The following UBA2 variants were observed in gnomAD, a reference collection of about 807,000 sequenced individuals.
UBA2 encodes the protein ubiquitin like modifier activating enzyme 2, also known as SUMO-activating enzyme subunit 2.
Under a neutral mutation model 77.2 loss-of-function variants are expected in UBA2, and 11 were observed. The observed-to-expected ratio is 0.14, with a 90% CI of 0.09 to 0.24. UBA2 has a LOEUF of 0.24. UBA2 is among the 10% of genes least tolerant of loss of function. The pLI, the probability that UBA2 is intolerant of heterozygous loss-of-function variation, is 1.00. For missense variants in UBA2, 487 were observed against 781.7 expected (o/e 0.62, Z 4.50); for synonymous variants, 278 against 276.7 (o/e 1.00, Z -0.05).
chr19:34,467,009 C>G lies in UBA2; in HGVS notation c.1736C>G (p.Ser579Cys). 6.2e-7 allele frequency: 1 copy of G among 1,613,810 alleles called. No individual in the cohort carries two copies. Among genetic ancestry groups the G allele is most frequent in the Non-Finnish European group, 8.5e-7 (1 of 1,179,724 alleles). The change falls in exon 16 of 17, where the codon TCC becomes TGC. Residue 579 changes from serine to cysteine, a missense_variant. By Grantham distance (112) the Ser-to-Cys change is moderately radical. This residue lies in a region of UBA2 where 300 missense variants were observed against 454.3 expected (regional missense o/e 0.66). Coordinates refer to ENST00000246548, the MANE Select transcript of UBA2 (RefSeq NM_005499.3). ...GATGATGGAGCTCAGCCCTCCACCT[C>G]CACAGGTGAGTATGGCCCCAGCCAG... ...GSDDGAQPST[S>C]TAQEQDDVLI...
At chr19:34,439,863 A>G (rs1307402242) in intron 6 of UBA2, among the ~76,000 whole-genome samples, 1 of 152,040 alleles carries the variant, frequency 6.6e-6, no homozygotes, top group East Asian at 1.9e-4. Flanking sequence ...AAGGATATTA[A>G]TTGAAGTAAG....
At chr19:34,441,281 C>T (rs1432280134) in intron 6 of UBA2, among the ~76,000 whole-genome samples, 1 of 151,956 alleles carries the variant, frequency 6.6e-6, no homozygotes, top group East Asian at 1.9e-4. Context: ...CGGTGAAACC[C>T]CATCTCTACT....
rs868407623 is a variant in UBA2, at chr19:34,438,575, T to C, written c.460-70T>C. Reference sequence around the variant, plus strand: ...AGTTGGAATATAGATGAATGAAGTGTTTATATTACCTTATAATGTTGAGAA... The same window carrying C: ...AGTTGGAATATAGATGAATGAAGTGCTTATATTACCTTATAATGTTGAGAA... On this transcript the variant is annotated intron_variant, in intron 5 of 16. Coordinates refer to ENST00000246548, the MANE Select transcript of UBA2 (RefSeq NM_005499.3). 71 of 1,574,488 alleles carry C rather than the reference T, an allele frequency of 4.5e-5. No homozygotes were observed. The Middle Eastern group carries it at 3.4e-3, about 75-fold the overall frequency.
intron 1 of UBA2, 46 bp downstream of exon 1, chr19:34,428,616 G>T (rs2075213910): frequency 9.3e-6 from 12 of 1,296,388 alleles, no homozygotes; most frequent in South Asian, 3.3e-5. Context: ...GTGGTGCGGG[G>T]GCTGGGATTC....
intron 15 of UBA2, among the ~76,000 whole-genome samples, chr19:34,465,923 C>T (rs546045762): frequency 1.1e-4 from 16 of 152,228 alleles, no homozygotes; most frequent in Admixed American, 6.5e-4. Context: ...TTTTGTTTGA[C>T]TTAAATGTTT....
At chr19:34,449,454 G>A (rs900987644) in intron 8 of UBA2, among the ~76,000 whole-genome samples, 7 of 151,974 alleles carry the variant, frequency 4.6e-5, no homozygotes, top group Admixed American at 3.3e-4. Flanking sequence ...TAAAGATTAA[G>A]GATGCTCAGT....
intron 16 of UBA2, 82 bp downstream of exon 16, chr19:34,467,096 A>G (rs1473436794): frequency 3.3e-6 from 5 of 1,503,606 alleles, no homozygotes; most frequent in African/African-American, 1.4e-5. Context: ...AACATTGACC[A>G]TAAATCCATA....
At chr19:34,439,724 G>A (rs529450307) in intron 6 of UBA2, among the ~76,000 whole-genome samples, 91 of 152,192 alleles carry the variant, frequency 6.0e-4, no homozygotes, top group African/African-American at 1.2e-3. Flanking sequence ...GGAGGCCGAG[G>A]TAGGAGGATC....
At chr19:34,468,702 G>C (rs1337161207) in intron 16 of UBA2, among the ~76,000 whole-genome samples, 1 of 152,170 alleles carries the variant, frequency 6.6e-6, no homozygotes, top group Non-Finnish European at 1.5e-5. Flanking sequence ...TGTAAGTGCT[G>C]TATTGTTGTT....
At chr19:34,465,160 A>G (rs756702652) in intron 15 of UBA2, among the ~76,000 whole-genome samples, 3 of 152,176 alleles carry the variant, frequency 2.0e-5, no homozygotes, top group African/African-American at 7.2e-5. Context: ...GCTCATTGAC[A>G]TGGTGGAACT....
Position 34,433,373 on chromosome 19 carries a change from C to A in UBA2, c.319C>A (p.Arg107=). The part of the protein sequence containing the change: ...MNPDYNVEFF[R]QFILVMNALD... ...CCCTGACTATAATGTGGAATTTTTC[C>A]GACAGTTTATACTGGTTATGAATGC... Residue 107 remains arginine, a synonymous_variant, in exon 4 of 17, where the codon CGA becomes AGA. Transcript: ENST00000246548. 1 of 1,611,640 alleles carries A rather than the reference C, an allele frequency of 6.2e-7. No individual in the cohort carries two copies. The highest frequency in any genetic ancestry group is 8.5e-7 in the Non-Finnish European group (1 of 1,178,770).
At chr19:34,465,631 A>G (rs1201979546) in intron 15 of UBA2, among the ~76,000 whole-genome samples, 3 of 81,116 alleles carry the variant, frequency 3.7e-5, no homozygotes, top group African/African-American at 1.4e-4. Context: ...GGGGGACTCC[A>G]TGTCAGAAAA....
chr19:34,455,480 AC>A (rs1474688226), intron 12 of UBA2, among the ~76,000 whole-genome samples: 6 of 152,010 alleles, frequency 3.9e-5, no homozygotes, highest in Admixed American at 1.3e-4. Context: ...TCGCTTTCTT[AC>A]CAGCTCAAGA....
In UBA2 at chr19:34,438,679, C is replaced by T. The variant is rs1279054820; in HGVS notation, c.494C>T (p.Pro165Leu). The change falls in exon 6 of 17, where the codon CCG becomes CTG. Residue 165 changes from proline (P) to leucine (L), a missense_variant. Physicochemically the swap from Pro to Leu is moderately conservative, Grantham distance 98. Around this residue, in one of 9 missense-constraint regions of UBA2, gnomAD observed 66 missense variants for 112.0 expected, o/e 0.59. Coordinates refer to ENST00000246548, the MANE Select transcript of UBA2 (RefSeq NM_005499.3). ...GAGTGTTATGAGTGTCATCCTAAGCCGACCCAGAGAACCTTTCCTGGCTGT... is the reference window on the plus strand; with the variant it reads ...GAGTGTTATGAGTGTCATCCTAAGCTGACCCAGAGAACCTTTCCTGGCTGT... ...VTECYECHPK[P>L]TQRTFPGCTI... 5.0e-6 allele frequency: 8 copies of T among 1,613,978 alleles called. No individual in the cohort carries two copies. Among genetic ancestry groups the T allele is most frequent in the South Asian group, 1.1e-5 (1 of 91,082 alleles).
chr19:34,428,387 C>G lies in UBA2; in HGVS notation c.-46C>G, dbSNP rs571539173. 9.7e-6 allele frequency: 12 copies of G among 1,232,074 alleles called. No individual in the cohort carries two copies. The highest frequency in any genetic ancestry group is 4.7e-5 in the African/African-American group (3 of 64,500). The allele number at this position is 1,232,074 out of a possible 1,614,324, so 76.3% of individuals were successfully genotyped here. On this transcript the variant is annotated 5_prime_UTR_variant, in exon 1 of 17. Transcript: ENST00000246548. ...CCCCCACCCGCTTCCGGCCGCGGCT[C>G]GGTTCTCCCGCCTCCGCCTCCGCCG...
At chr19:34,465,965 A>G (rs764754571) in intron 15 of UBA2, among the ~76,000 whole-genome samples, 1 of 152,202 alleles carries the variant, frequency 6.6e-6, no homozygotes, top group Non-Finnish European at 1.5e-5. Flanking sequence ...GTACAGAAGC[A>G]TGGTGTAGCT....
At chr19:34,436,418 G>C (rs561623381) in intron 5 of UBA2, among the ~76,000 whole-genome samples, 1 of 152,118 alleles carries the variant, frequency 6.6e-6, no homozygotes, top group Non-Finnish European at 1.5e-5. Context: ...TCCTGCCTCA[G>C]TCTCCCGAGT....
At position 34,469,754 on chromosome 19, in the gene UBA2, GTA is replaced by G. The variant is rs1229206919; in HGVS notation, c.*534_*535del. 2.0e-5 allele frequency: 3 copies of G among 152,544 alleles called. No homozygotes were observed. Among genetic ancestry groups the G allele is most frequent in the Admixed American group, 2.0e-4 (3 of 15,272 alleles). 9.4% of individuals were successfully genotyped at this position (152,544 alleles called of 1,614,324 possible). On this transcript the variant is annotated 3_prime_UTR_variant, in exon 17 of 17. Transcript: ENST00000246548. ...GTTAATTTACTCAAGTTTTCAGTTT[GTA>G]CCGCCTGGTATGTCTGTGTAAGAAG... is the stretch of plus-strand genomic sequence containing the variant.
In UBA2 at chr19:34,470,681, C is replaced by T. The variant is rs1434623471; in HGVS notation, c.*1460C>T. On this transcript the variant is annotated 3_prime_UTR_variant, in exon 17 of 17. Coordinates refer to ENST00000246548, the MANE Select transcript of UBA2 (RefSeq NM_005499.3). Reference sequence around the variant, plus strand: ...GGGATTACAGGCGCCCTCCACCACGCTCAGCTAATTTTTTGTATTTTTAGT... The same window carrying T: ...GGGATTACAGGCGCCCTCCACCACGTTCAGCTAATTTTTTGTATTTTTAGT... 2 of 152,132 alleles carry T rather than the reference C, an allele frequency of 1.3e-5. No homozygotes were observed. The highest frequency in any genetic ancestry group is 6.6e-5 in the Admixed American group (1 of 15,260). 9.4% of individuals were successfully genotyped at this position (152,132 alleles called of 1,614,324 possible). A position where few individuals can be genotyped will look rare whatever the true frequency, so the allele number is the denominator to read the frequency against.
Sources: gnomAD v4.1 joint callset for allele counts (sites outside exome capture counted in the v4.1 genomes callset) on GRCh38, gnomAD v4.1.1 for gene constraint, gnomAD v4.1.1 regional missense constraint, MANE v1.5 for transcripts, NCBI Gene and HGNC (gene_info 2026-07-23, HGNC 2026-07-21) for gene names.